Variants in GABBR2 observed in about 807,000 individuals in gnomAD.
GABBR2 encodes the protein G-protein coupled receptor 51.
In GABBR2, 23 loss-of-function variants were observed where a neutral mutation model predicts 105.6. The ratio of observed to expected loss-of-function variants is 0.22; its 90% CI spans 0.16 to 0.31. The LOEUF is 0.31. Ranked by LOEUF, GABBR2 falls within the 10% of genes least tolerant of loss-of-function variation. GABBR2 has a pLI of 1.00. For missense variants in GABBR2, 734 were observed against 1,245.5 expected (o/e 0.59, Z 6.18); for synonymous variants, 478 against 499.7 (o/e 0.96, Z 0.58).
chr9:98,702,144 C>G (rs1228772988), intron 1 of GABBR2, among the ~76,000 whole-genome samples: 1 of 152,080 alleles, frequency 6.6e-6, no homozygotes, highest in Non-Finnish European at 1.5e-5. Context: ...GATACAAACC[C>G]AGGTCTCCTG....
rs1441170987 is a variant in GABBR2, at chr9:98,477,761, G to A, written c.798+3171C>T. Among the ~76,000 whole-genome samples the A allele has an allele frequency of 4.6e-5, 7 of 152,264 alleles. No homozygotes were observed. In the East Asian group the frequency reaches 7.7e-4, roughly 17 times the overall value. ...CCTCCACTCCCCATGCAAGAAAGACGTTTCCTTTTTATATTAAGGTTTACA... is the reference window on the plus strand; with the variant it reads ...CCTCCACTCCCCATGCAAGAAAGACATTTCCTTTTTATATTAAGGTTTACA... On this transcript the variant is annotated intron_variant, in intron 5 of 18. Transcript: ENST00000259455.
intron 8 of GABBR2, among the ~76,000 whole-genome samples, chr9:98,396,257 C>A (rs902842778): frequency 2.6e-5 from 4 of 152,178 alleles, no homozygotes; most frequent in Non-Finnish European, 5.9e-5. Context: ...CAGGCGGGTC[C>A]CTTCCAGAGC....
Position 98,454,313 on chromosome 9 carries a change from A to G in GABBR2, c.1000-96T>C. 1 of 817,766 alleles carries G rather than the reference A, an allele frequency of 1.2e-6. No homozygotes were observed. Among genetic ancestry groups the G allele is most frequent in the Middle Eastern group, 2.2e-4 (1 of 4,476 alleles). 50.7% of individuals were successfully genotyped at this position (817,766 alleles called of 1,614,324 possible). A position where few individuals can be genotyped will look rare whatever the true frequency, so the allele number is the denominator to read the frequency against. ...AGAGCTGCTATTCTTCAATGCCCACAGGGTGCCAGGTACAGTGCTAGATTC... is the reference window on the plus strand; with the variant it reads ...AGAGCTGCTATTCTTCAATGCCCACGGGGTGCCAGGTACAGTGCTAGATTC... On this transcript the variant is annotated intron_variant, in intron 6 of 18. Transcript: ENST00000259455. This position sits in a 1 kb window ranked among gnomAD's most constrained non-coding sequence, Gnocchi z 4.6.
intron 6 of GABBR2, among the ~76,000 whole-genome samples, chr9:98,465,121 TAAA>T (rs57747633): frequency 0.028 from 613 of 22,000 alleles, no homozygotes; most frequent in Non-Finnish European, 0.036. Context: ...CAATAAATAC[TAAA>T]AAAAAAAAAA....
chr9:98,588,536 A>G (rs1829105665), intron 1 of GABBR2, among the ~76,000 whole-genome samples: 1 of 152,242 alleles, frequency 6.6e-6, no homozygotes, highest in Non-Finnish European at 1.5e-5. Flanking sequence ...CAACAACCCT[A>G]TGAACCATGT....
At chr9:98,492,446 T>C (rs1387767378) in intron 4 of GABBR2, among the ~76,000 whole-genome samples, 1 of 148,824 alleles carries the variant, frequency 6.7e-6, no homozygotes, top group East Asian at 2.0e-4. Context: ...TCATCCAGTT[T>C]TCCCTATTAT....
intron 3 of GABBR2, among the ~76,000 whole-genome samples, chr9:98,532,778 G>A (rs558903223): frequency 2.0e-5 from 3 of 152,302 alleles, no homozygotes; most frequent in South Asian, 2.1e-4. Context: ...CTTTGAGAAC[G>A]ACTGGTGTAG....
At chr9:98,437,278 A>G (rs771485665) in intron 7 of GABBR2, among the ~76,000 whole-genome samples, 16 of 152,128 alleles carry the variant, frequency 1.1e-4, no homozygotes, top group Non-Finnish European at 2.1e-4. Flanking sequence ...TAGTGTTCAC[A>G]TACTCACTAG....
intron 1 of GABBR2, chr9:98,580,947 G>A (rs1430849506): frequency 6.6e-6 from 1 of 152,132 alleles, no homozygotes; most frequent in African/African-American, 2.4e-5. Context: ...ACCGCTATAT[G>A]GGAGCAGAGT....
At chr9:98,619,200 G>T (rs1029471706) in intron 1 of GABBR2, among the ~76,000 whole-genome samples, 1 of 151,996 alleles carries the variant, frequency 6.6e-6, no homozygotes, top group African/African-American at 2.4e-5. Context: ...AAACCCAAAA[G>T]AAGGTAATAA....
At chr9:98,420,096 G>A (rs2131552984) in intron 7 of GABBR2, among the ~76,000 whole-genome samples, 1 of 152,206 alleles carries the variant, frequency 6.6e-6, no homozygotes, top group African/African-American at 2.4e-5. Context: ...GGGCCAGTAG[G>A]GGTGGTGGTG....
chr9:98,641,296 G>C (rs1265195456), intron 1 of GABBR2, among the ~76,000 whole-genome samples: 1 of 147,582 alleles, frequency 6.8e-6, no homozygotes, highest in African/African-American at 2.5e-5. Context: ...ACCATGCCCA[G>C]CTATTTTTTT....
chr9:98,567,470 GTT>G (rs1227264075), intron 2 of GABBR2, among the ~76,000 whole-genome samples: 1 of 152,176 alleles, frequency 6.6e-6, no homozygotes, highest in Non-Finnish European at 1.5e-5. Context: ...TAAGTTCTCT[GTT>G]TTAATTTTAC....
chr9:98,532,375 T>C (rs548567963), intron 3 of GABBR2, among the ~76,000 whole-genome samples: 5 of 152,302 alleles, frequency 3.3e-5, no homozygotes, highest in Admixed American at 3.3e-4. Flanking sequence ...CCTAAAAGCA[T>C]TGGCAAGTTC....
At chr9:98,407,130 G>A (rs1388435415) in intron 7 of GABBR2, among the ~76,000 whole-genome samples, 1 of 152,168 alleles carries the variant, frequency 6.6e-6, no homozygotes. Flanking sequence ...GTTTCTTCCT[G>A]TCTTTTCATT....
intron 10 of GABBR2, among the ~76,000 whole-genome samples, chr9:98,386,978 G>C (rs1024108771): frequency 6.6e-6 from 1 of 152,130 alleles, no homozygotes; most frequent in Admixed American, 6.5e-5. Flanking sequence ...TGTTGCCTTG[G>C]ACACACATGA....
At chr9:98,558,387 G>A (rs1386774982) in intron 2 of GABBR2, among the ~76,000 whole-genome samples, 1 of 152,184 alleles carries the variant, frequency 6.6e-6, no homozygotes, top group African/African-American at 2.4e-5. Context: ...AGTGAAGAAT[G>A]AGCATTTAGT....
chr9:98,698,518 G>C (rs78370121), intron 1 of GABBR2, among the ~76,000 whole-genome samples: 1 of 122,386 alleles, frequency 8.2e-6, no homozygotes, highest in African/African-American at 3.3e-5. Flanking sequence ...TTTTTTTTTT[G>C]AGATGGAGTC....
intron 3 of GABBR2, among the ~76,000 whole-genome samples, chr9:98,527,772 T>TACTTCTAC (rs1441964163): frequency 6.6e-6 from 1 of 152,158 alleles, no homozygotes; most frequent in African/African-American, 2.4e-5. Flanking sequence ...ACAAATTAAT[T>TACTTCTAC]AAAGTAACTA....
Sources: allele counts gnomAD v4.1 joint callset (sites outside exome capture counted in the v4.1 genomes callset), GRCh38; gene constraint gnomAD v4.1.1; non-coding constraint Gnocchi (gnomAD v3.1); transcripts MANE v1.5; gene names NCBI Gene and HGNC (gene_info 2026-07-23, HGNC 2026-07-21).